The following ZNF521 variants were observed in gnomAD, a reference collection of about 807,000 sequenced individuals.
ZNF521 encodes the protein zinc finger protein 521.
Under a neutral mutation model 105.5 loss-of-function variants are expected in ZNF521, and 14 were observed. The observed-to-expected ratio is 0.13, with a 90% CI of 0.09 to 0.21. The LOEUF (loss-of-function observed/expected upper bound fraction) is 0.21, where lower values mean the gene tolerates loss of function less well. ZNF521 is among the 10% of genes least tolerant of loss of function. The probability of loss-of-function intolerance (pLI) is 1.00; values close to 1 mark genes in which losing one functional copy is unlikely to be tolerated. For missense variants in ZNF521, 1,233 were observed against 1,629.7 expected, an observed-to-expected ratio of 0.76 and a Z score of 4.19; for synonymous variants, 635 against 606.0, an observed-to-expected ratio of 1.05 and a Z score of -0.70.
At chr18:25,335,035 C>T (rs1237898433) in intron 2 of ZNF521, among the ~76,000 whole-genome samples, 7 of 152,138 alleles carry the variant, frequency 4.6e-5, no homozygotes, top group African/African-American at 1.2e-4. Flanking sequence ...CACCAGGCAG[C>T]GGGTCCCTTG....
At chr18:25,262,958 C>A (rs576172714) in intron 3 of ZNF521, among the ~76,000 whole-genome samples, 2 of 152,318 alleles carry the variant, frequency 1.3e-5, no homozygotes, top group African/African-American at 4.8e-5. Flanking sequence ...AACTTAGATA[C>A]CACTGGTGAG....
intron 3 of ZNF521, among the ~76,000 whole-genome samples, chr18:25,304,461 G>T (rs773771559): frequency 3.6e-4 from 55 of 152,158 alleles, no homozygotes; most frequent in Admixed American, 1.2e-3. Flanking sequence ...TCGGTTTTTT[G>T]TGTGTGTGCA....
intron 5 of ZNF521, among the ~76,000 whole-genome samples, chr18:25,113,116 A>C (rs1007000595): frequency 6.6e-6 from 1 of 151,932 alleles, no homozygotes; most frequent in African/African-American, 2.4e-5. Flanking sequence ...TCGCACTGGC[A>C]ATCTGTCCTT....
At position 25,322,556 on chromosome 18, in the gene ZNF521, C is replaced by CAA. The variant is rs1311502086; in HGVS notation, c.41-370_41-369insTT. Among the ~76,000 whole-genome samples the CAA allele has an allele frequency of 3.5e-3, 519 of 146,262 alleles. 5 individuals carry two copies. Among genetic ancestry groups the CAA allele is most frequent in the Middle Eastern group, 0.011 (3 of 266 alleles). On this transcript the variant is annotated intron_variant, in intron 2 of 7. Transcript: ENST00000361524. ...AATGCAAAAAAAAAAAAAAAAAACC[C>CAA]CCCCACTGTGCTTAAGAATGAACTC...
intron 3 of ZNF521, among the ~76,000 whole-genome samples, chr18:25,245,158 A>T (rs1044128848): frequency 6.6e-6 from 1 of 152,200 alleles, no homozygotes; most frequent in Non-Finnish European, 1.5e-5. Flanking sequence ...TGAGGAAGAG[A>T]GTTTTAAAAA....
intron 4 of ZNF521, among the ~76,000 whole-genome samples, chr18:25,219,020 T>C (rs1484526731): frequency 2.0e-5 from 3 of 152,282 alleles, no homozygotes; most frequent in African/African-American, 7.2e-5. Context: ...GATGAAGGCC[T>C]CAGTGATGCT....
chr18:25,081,175 G>T (rs927785441), intron 7 of ZNF521, among the ~76,000 whole-genome samples: 1 of 152,162 alleles, frequency 6.6e-6, no homozygotes, highest in Admixed American at 6.5e-5. Context: ...GTGCTCTTCA[G>T]TACACCCTGG....
At chr18:25,216,313 G>T (rs1905322134) in intron 4 of ZNF521, among the ~76,000 whole-genome samples, 2 of 151,952 alleles carry the variant, frequency 1.3e-5, no homozygotes, top group African/African-American at 2.4e-5. Context: ...ATGAACTTTG[G>T]ATTGTTACAA....
intron 3 of ZNF521, among the ~76,000 whole-genome samples, chr18:25,234,752 C>A (rs1165107433): frequency 1.3e-5 from 2 of 151,922 alleles, no homozygotes; most frequent in African/African-American, 4.8e-5. Flanking sequence ...AGAAAGGAAT[C>A]AAAATTAACG....
chr18:25,188,193 G>A (rs1476433026), intron 5 of ZNF521, among the ~76,000 whole-genome samples: 2 of 152,136 alleles, frequency 1.3e-5, no homozygotes, highest in African/African-American at 4.8e-5. Context: ...CGGGCCACAG[G>A]CGCCATCCTG....
intron 5 of ZNF521, among the ~76,000 whole-genome samples, chr18:25,147,864 A>C (rs2034973916): frequency 6.6e-6 from 1 of 152,114 alleles, no homozygotes; most frequent in Non-Finnish European, 1.5e-5. Context: ...TGATCTTTTT[A>C]TTGCTTTATT....
chr18:25,099,008 T>C (rs1247375281), intron 5 of ZNF521, among the ~76,000 whole-genome samples: 1 of 152,150 alleles, frequency 6.6e-6, no homozygotes, highest in Non-Finnish European at 1.5e-5. Context: ...AAGAGTGGTG[T>C]GTGGCAGCTC....
At chr18:25,259,656 A>G (rs1451304136) in intron 3 of ZNF521, among the ~76,000 whole-genome samples, 1 of 152,112 alleles carries the variant, frequency 6.6e-6, no homozygotes, top group Non-Finnish European at 1.5e-5. Context: ...GCATTGGGCA[A>G]TAAAGATCTG....
intron 7 of ZNF521, among the ~76,000 whole-genome samples, chr18:25,080,317 T>C (rs1199787808): frequency 6.6e-6 from 1 of 152,182 alleles, no homozygotes; most frequent in Non-Finnish European, 1.5e-5. Context: ...GGAGTTGCTG[T>C]TCTAAATGAC....
chr18:25,310,433 C>CAA (rs751323496), intron 3 of ZNF521, among the ~76,000 whole-genome samples: 296 of 123,258 alleles, frequency 2.4e-3, no homozygotes, highest in African/African-American at 7.7e-3. Flanking sequence ...AAACAGAAAA[C>CAA]AAAAAAAAAA....
In ZNF521 at chr18:25,224,773, C is replaced by T. The variant is rs928568662; in HGVS notation, c.3145G>A (p.Gly1049Arg). The change falls in exon 4 of 8, where the codon GGG becomes AGG. Residue 1049 changes from glycine to arginine, a missense_variant. Transcript: ENST00000361524. ...CGCCCTGTGGTCTGAACTGCAGACCCATTCCCTGTCTTTTGCATGTGGAAC... is the reference window on the plus strand; with the variant it reads ...CGCCCTGTGGTCTGAACTGCAGACCTATTCCCTGTCTTTTGCATGTGGAAC... ...GTFHMQKTGN[G>R]SAVQTTGRGQ... 20 of 1,614,040 alleles carry T rather than the reference C, an allele frequency of 1.2e-5. No homozygotes were observed. Among genetic ancestry groups the T allele is most frequent in the Non-Finnish European group, 1.5e-5 (18 of 1,180,016 alleles).
rs1407019635 is a variant in ZNF521 at position 25,226,128 on chromosome 18, T to C, written c.1790A>G (p.Asn597Ser). 1 of 1,614,162 alleles carries C rather than the reference T, an allele frequency of 6.2e-7. No homozygotes were observed. The highest frequency in any genetic ancestry group is 8.5e-7 in the Non-Finnish European group (1 of 1,180,020). The change falls in exon 4 of 8, where the codon AAT becomes AGT. Residue 597 changes from asparagine to serine, a missense_variant. By Grantham distance (46) the Asn-to-Ser change is conservative. Coordinates refer to ENST00000361524, the MANE Select transcript of ZNF521 (RefSeq NM_015461.3). This position sits in a 1 kb window ranked among gnomAD's most constrained non-coding sequence, Gnocchi z 4.1. ...GCTTAAGGCCCTGGATTTCTTCCCA[T>C]TGTGGATATAATTCAGGGCCAAGGG... is the stretch of plus-strand genomic sequence containing the variant. Reference protein sequence around the residue: ...NIPLALNYIHNGKKSRALSPL... With the variant: ...NIPLALNYIHSGKKSRALSPL...
At chr18:25,107,181 T>C (rs1275210395) in intron 5 of ZNF521, among the ~76,000 whole-genome samples, 1 of 152,248 alleles carries the variant, frequency 6.6e-6, no homozygotes, top group Non-Finnish European at 1.5e-5. Context: ...ATCAAGTACC[T>C]ATGTTGTGGG....
intron 2 of ZNF521, among the ~76,000 whole-genome samples, chr18:25,341,717 C>G (rs185787647): frequency 4.6e-5 from 7 of 152,262 alleles, no homozygotes; most frequent in East Asian, 3.9e-4. Context: ...TTCATCTGAC[C>G]CAACTCACAG....
Sources: allele counts gnomAD v4.1 joint callset (sites outside exome capture counted in the v4.1 genomes callset), GRCh38; gene constraint gnomAD v4.1.1; non-coding constraint Gnocchi (gnomAD v3.1); transcripts MANE v1.5; gene names NCBI Gene and HGNC (gene_info 2026-07-23, HGNC 2026-07-21).